TRHDE: variants seen among roughly 807,000 people sequenced by gnomAD.
The protein encoded by TRHDE is thyrotropin releasing hormone degrading enzyme, also known as thyrotropin-releasing hormone-degrading ectoenzyme.
In TRHDE, 72 loss-of-function variants were observed where a neutral mutation model predicts 125.7. The observed-to-expected ratio is 0.57, with a 90% CI of 0.47 to 0.70. The LOEUF is 0.70. Ranked by LOEUF, TRHDE falls within the 30% of genes least tolerant of loss-of-function variation. The pLI is 0.00. For missense variants in TRHDE, 1,110 were observed against 1,327.1 expected, an observed-to-expected ratio of 0.84 and a Z score of 2.54; for synonymous variants, 509 against 509.1, an observed-to-expected ratio of 1.00 and a Z score of 0.00.
At chr12:72,313,443 A>G (rs1868643062) in intron 2 of TRHDE, among the ~76,000 whole-genome samples, 1 of 152,118 alleles carries the variant, frequency 6.6e-6, no homozygotes, top group Non-Finnish European at 1.5e-5. Context: ...TGTTATGCAA[A>G]TGTGATATAA....
intron 2 of TRHDE, among the ~76,000 whole-genome samples, chr12:72,235,262 G>C (rs1173184265): frequency 1.3e-5 from 2 of 152,146 alleles, no homozygotes; most frequent in African/African-American, 4.8e-5. Flanking sequence ...TATTGATCCA[G>C]TACATACTGT....
intron 2 of TRHDE, among the ~76,000 whole-genome samples, chr12:72,210,623 T>C (rs1381419964): frequency 6.6e-6 from 1 of 152,206 alleles, no homozygotes; most frequent in African/African-American, 2.4e-5. Flanking sequence ...ACCAGTAAGA[T>C]GTTACGACTG....
intron 2 of TRHDE, among the ~76,000 whole-genome samples, chr12:72,241,287 C>T (rs1190590349): frequency 6.6e-6 from 1 of 152,170 alleles, no homozygotes; most frequent in African/African-American, 2.4e-5. Context: ...CATCACTGTG[C>T]TATCCCTTTG....
At chr12:72,176,742 TC>T (rs1018150232) in intron 2 of TRHDE, among the ~76,000 whole-genome samples, 1 of 152,172 alleles carries the variant, frequency 6.6e-6, no homozygotes, top group Non-Finnish European at 1.5e-5. Flanking sequence ...TTCATTTATT[TC>T]AGAGATAATA....
At chr12:72,277,731 A>G (rs1352672025) in intron 1 of TRHDE, among the ~76,000 whole-genome samples, 1 of 152,150 alleles carries the variant, frequency 6.6e-6, no homozygotes, top group African/African-American at 2.4e-5. Context: ...CAGGGAGAAA[A>G]TCTATGCAAT....
intron 5 of TRHDE, among the ~76,000 whole-genome samples, chr12:72,476,187 G>T (rs1183126997): frequency 1.3e-5 from 2 of 152,168 alleles, no homozygotes; most frequent in Non-Finnish European, 2.9e-5. Context: ...AAAGTGCTGG[G>T]ATTACAGGTC....
Position 72,650,202 on chromosome 12 carries a change from C to G in TRHDE, c.2676-2120C>G, listed in dbSNP as rs186838796. On this transcript the variant is annotated intron_variant, in intron 15 of 18. Transcript: ENST00000261180. ...ACAATGAAATACTATTCAGCCTTTA[C>G]AAAGCACGACGTTTTTCAATATTGA... 1.3e-3 allele frequency among the ~76,000 whole-genome samples: 191 copies of G among 152,180 alleles called. 1 individual carries two copies. Among genetic ancestry groups the G allele is most frequent in the African/African-American group, 4.3e-3 (178 of 41,540 alleles).
At chr12:72,395,039 T>C (rs550394959) in intron 3 of TRHDE, among the ~76,000 whole-genome samples, 2 of 152,348 alleles carry the variant, frequency 1.3e-5, no homozygotes, top group South Asian at 4.1e-4. Flanking sequence ...CCTAACATAG[T>C]TATTATTTTT....
Position 72,664,022 on chromosome 12 carries a change from C to A in TRHDE, c.*827C>A, listed in dbSNP as rs1875021194. ...TCAAGGAATTTATCTCAACATTATT[C>A]TTTCTATGTCCTAACTAAATTTCTC... On this transcript the variant is annotated 3_prime_UTR_variant, in exon 19 of 19. Transcript: ENST00000261180. 1 of 152,010 alleles carries A rather than the reference C, an allele frequency of 6.6e-6. No individual in the cohort carries two copies. Among genetic ancestry groups the A allele is most frequent in the Non-Finnish European group, 1.5e-5 (1 of 67,986 alleles). The allele number at this position is 152,010 out of a possible 1,614,324, so 9.4% of individuals were successfully genotyped here. A position where few individuals can be genotyped will look rare whatever the true frequency, so the allele number is the denominator to read the frequency against.
chr12:72,303,963 G>A (rs1456921860), intron 2 of TRHDE, among the ~76,000 whole-genome samples: 1 of 152,090 alleles, frequency 6.6e-6, no homozygotes, highest in East Asian at 1.9e-4. Context: ...TGTGTTCCAG[G>A]GGCAGAGAAA....
rs1875077793 is a variant in TRHDE, at chr12:72,665,393, T to C, written c.*2198T>C. 6.6e-6 allele frequency: 1 copy of C among 152,504 alleles called. No homozygotes were observed. The highest frequency in any genetic ancestry group is 1.5e-5 in the Non-Finnish European group (1 of 67,970). The allele number at this position is 152,504 out of a possible 1,614,324, so 9.4% of individuals were successfully genotyped here. A position where few individuals can be genotyped will look rare whatever the true frequency, so the allele number is the denominator to read the frequency against. The stretch of plus-strand genomic sequence containing the variant: ...TCTACAATCTCAAATCCTAAGTGTA[T>C]AATTATGTGCAATGTTCAATACCTC... On this transcript the variant is annotated 3_prime_UTR_variant, in exon 19 of 19. Transcript: ENST00000261180.
chr12:72,451,113 T>G (rs1216335230), intron 3 of TRHDE, among the ~76,000 whole-genome samples: 1 of 152,180 alleles, frequency 6.6e-6, no homozygotes, highest in Non-Finnish European at 1.5e-5. Flanking sequence ...TGCATAGAAG[T>G]ATTTTAGTTT....
intron 2 of TRHDE, among the ~76,000 whole-genome samples, chr12:72,347,351 G>C (rs1426767592): frequency 6.6e-6 from 1 of 152,072 alleles, no homozygotes; most frequent in Non-Finnish European, 1.5e-5. Flanking sequence ...ATTCATAGAT[G>C]AGTATTAATT....
chr12:72,322,565 C>T (rs533339236), intron 2 of TRHDE, among the ~76,000 whole-genome samples: 7 of 151,360 alleles, frequency 4.6e-5, no homozygotes, highest in South Asian at 2.1e-4. Flanking sequence ...GACAAAAATG[C>T]GACCAGAAGC....
intron 4 of TRHDE, among the ~76,000 whole-genome samples, chr12:72,471,265 A>G (rs1876636479): frequency 6.6e-6 from 1 of 152,134 alleles, no homozygotes; most frequent in Non-Finnish European, 1.5e-5. Context: ...TGTGTTCCTC[A>G]TCTCAGGCTT....
At chr12:72,443,408 CACTTACTATGT>C (rs1875119325) in intron 3 of TRHDE, among the ~76,000 whole-genome samples, 1 of 151,674 alleles carries the variant, frequency 6.6e-6, no homozygotes, top group African/African-American at 2.4e-5. Context: ...TATTATATTG[CACTTACTATGT>C]ACTTAAACTA....
chr12:72,648,277 C>T (rs11179302), intron 15 of TRHDE, among the ~76,000 whole-genome samples: 22,028 of 151,876 alleles, frequency 0.15, 2,186 homozygotes, highest in East Asian at 0.54. Flanking sequence ...ATATGAAAAG[C>T]CTGCAATTAA....
chr12:72,238,122 T>C (rs1187450136), intron 2 of TRHDE, among the ~76,000 whole-genome samples: 1 of 150,756 alleles, frequency 6.6e-6, no homozygotes, highest in South Asian at 2.1e-4. Flanking sequence ...TGACTTGACT[T>C]GTGTTTGAAA....
chr12:72,484,228 TG>T (rs762637502), intron 5 of TRHDE, among the ~76,000 whole-genome samples: 2 of 152,180 alleles, frequency 1.3e-5, no homozygotes, highest in Non-Finnish European at 2.9e-5. Context: ...GCAAAATGAA[TG>T]GATAAGTATG....
Sources: gnomAD v4.1 joint callset for allele counts (sites outside exome capture counted in the v4.1 genomes callset) on GRCh38, gnomAD v4.1.1 for gene constraint, MANE v1.5 for transcripts, NCBI Gene and HGNC (gene_info 2026-07-23, HGNC 2026-07-21) for gene names.